The following ATP9B variants were observed in gnomAD, a reference collection of about 807,000 sequenced individuals.
ATP9B encodes ATPase phospholipid transporting 9B.
A neutral mutation model predicts 146.1 loss-of-function variants in ATP9B; 110 were observed. That is an observed-to-expected ratio of 0.75 (90% CI 0.65 to 0.88). The LOEUF is 0.88. ATP9B is among the 40% of genes least tolerant of loss of function. The pLI is 0.00. For synonymous variants in ATP9B, 604 were observed against 569.7 expected, an observed-to-expected ratio of 1.06 and a Z score of -0.86; for missense variants, 1,499 against 1,496.4, an observed-to-expected ratio of 1.00 and a Z score of -0.03.
chr18:79,306,795 A>C (rs1273084929), intron 14 of ATP9B, among the ~76,000 whole-genome samples, 191 bp from the exon 15 acceptor site: 4 of 152,236 alleles, frequency 2.6e-5, no homozygotes, highest in African/African-American at 9.6e-5. Context: ...GGATATATCG[A>C]AGTGCTTCAT....
rs114816545 is a variant in ATP9B, at chr18:79,255,762, A to C, written c.1268+2221A>C. On this transcript the variant is annotated intron_variant, in intron 12 of 29. Coordinates refer to ENST00000426216, the MANE Select transcript of ATP9B (RefSeq NM_198531.5). ...CAGTAGCTCCACGTAAGGCACATAG[A>C]GGGGCACATATGCATGTTTGTGCCA... Among the ~76,000 whole-genome samples the C allele has an allele frequency of 2.8e-3, 425 of 152,296 alleles. 2 individuals carry two copies. The highest frequency in any genetic ancestry group is 9.4e-3 in the African/African-American group (389 of 41,560).
At chr18:79,116,925 A>T (rs1428485868) in intron 4 of ATP9B, among the ~76,000 whole-genome samples, 21 of 108,666 alleles carry the variant, frequency 1.9e-4, no homozygotes, top group South Asian at 3.1e-4. Flanking sequence ...AGTATAATAA[A>T]AAAAAAAAAA....
chr18:79,290,954 G>A (rs1221290847), intron 13 of ATP9B, among the ~76,000 whole-genome samples: 1 of 152,162 alleles, frequency 6.6e-6, no homozygotes, highest in Non-Finnish European at 1.5e-5. Context: ...GTGTGGTAGA[G>A]TTTAGGGGTG....
chr18:79,339,611 T>G (rs943487993), intron 19 of ATP9B, among the ~76,000 whole-genome samples: 2 of 151,474 alleles, frequency 1.3e-5, no homozygotes, highest in African/African-American at 2.4e-5. Context: ...AGGTGTGTCA[T>G]GATCGCAATA....
chr18:79,258,974 A>G (rs2096113038), intron 12 of ATP9B, among the ~76,000 whole-genome samples: 1 of 152,364 alleles, frequency 6.6e-6, no homozygotes, highest in African/African-American at 2.4e-5. Flanking sequence ...AGTATTTGCT[A>G]AATATGCTTT....
chr18:79,081,644 A>G (rs866601492), intron 1 of ATP9B, among the ~76,000 whole-genome samples: 1 of 148,334 alleles, frequency 6.7e-6, no homozygotes, highest in Non-Finnish European at 1.5e-5. Context: ...TTTTCTTCGA[A>G]GGGTTTTTCG....
At chr18:79,280,779 C>T (rs1017026113) in intron 13 of ATP9B, among the ~76,000 whole-genome samples, 7 of 151,530 alleles carry the variant, frequency 4.6e-5, no homozygotes, top group African/African-American at 1.7e-4. Flanking sequence ...GTGGATATTT[C>T]TGATCACAAT....
At chr18:79,143,895 A>T in intron 6 of ATP9B, 35 bp downstream of exon 6, 2 of 1,333,470 alleles carry the variant, frequency 1.5e-6, no homozygotes, top group Non-Finnish European at 2.1e-6. Flanking sequence ...AGACCTATGT[A>T]TGCTAGTTAT....
chr18:79,132,423 C>T (rs2094391648), intron 5 of ATP9B, among the ~76,000 whole-genome samples: 1 of 152,112 alleles, frequency 6.6e-6, no homozygotes, highest in South Asian at 2.1e-4. Flanking sequence ...TCTCCGAGTT[C>T]TAGATGAGAA....
intron 7 of ATP9B, among the ~76,000 whole-genome samples, chr18:79,163,294 A>G (rs889002919): frequency 4.6e-5 from 7 of 152,242 alleles, no homozygotes; most frequent in Non-Finnish European, 8.8e-5. Context: ...ATGATTTAAC[A>G]TGAGGCATGG....
rs369118796 is a variant in ATP9B at position 79,302,392 on chromosome 18, A to G, written c.1412-1212A>G. On this transcript the variant is annotated intron_variant, in intron 13 of 29. Transcript: ENST00000426216. ...TGGCACCACGTTGTGAAATAAGTGC[A>G]CACACCCCCGGGGACAAGGTGAGAG... Among the ~76,000 whole-genome samples the G allele has an allele frequency of 2.0e-5, 3 of 149,696 alleles. No homozygotes were observed. In the East Asian group the frequency reaches 5.9e-4, roughly 29 times the overall value.
At position 79,329,550 on chromosome 18, in the gene ATP9B, T is replaced by G. The variant is rs143665002; in HGVS notation, c.1935+248T>G. On this transcript the variant is annotated intron_variant, in intron 16 of 29. Transcript: ENST00000426216. The stretch of plus-strand genomic sequence containing the variant: ...CCAGAATCAATAATGTGGGATTTAT[T>G]AATTTTTGAAATCAACAACTAAAGC... Among the ~76,000 whole-genome samples, 10 of 152,296 alleles carry G rather than the reference T, an allele frequency of 6.6e-5. No homozygotes were observed. The East Asian group carries it at 1.9e-3, about 29-fold the overall frequency.
chr18:79,113,260 A>G lies in ATP9B; in HGVS notation c.464A>G (p.Lys155Arg), dbSNP rs773244729. Residue 155 changes from lysine (K) to arginine (R), a missense_variant, in exon 4 of 30, where the codon AAG (lysine) becomes AGG (arginine). Transcript: ENST00000426216. Reference protein sequence around the residue: ...FIPGVLYEQFKFFLNLYFLVI... With the variant: ...FIPGVLYEQFRFFLNLYFLVI... Reference sequence around the variant, plus strand: ...TTTTAGGTTTTGTATGAACAATTCAAGTTTTTCTTGAATCTCTATTTTCTA... The same window carrying G: ...TTTTAGGTTTTGTATGAACAATTCAGGTTTTTCTTGAATCTCTATTTTCTA... 4 of 1,585,536 alleles carry G rather than the reference A, an allele frequency of 2.5e-6. No homozygotes were observed. Among genetic ancestry groups the G allele is most frequent in the Non-Finnish European group, 3.4e-6 (4 of 1,161,456 alleles).
chr18:79,320,432 G>T (rs879934525), intron 15 of ATP9B, among the ~76,000 whole-genome samples: 5 of 152,236 alleles, frequency 3.3e-5, no homozygotes, highest in South Asian at 2.1e-4. Context: ...GATGGGGAGG[G>T]CCTGGCTGCG....
intron 2 of ATP9B, among the ~76,000 whole-genome samples, chr18:79,102,506 C>T (rs2075355802): frequency 6.6e-6 from 1 of 152,166 alleles, no homozygotes; most frequent in African/African-American, 2.4e-5. Context: ...ATCAGTGTGT[C>T]AGTTCCTGCC....
rs865854773 is a variant in ATP9B at position 79,327,533 on chromosome 18, G to T, written c.1774-1608G>T. 2.2e-3 allele frequency among the ~76,000 whole-genome samples: 291 copies of T among 129,456 alleles called. 2 individuals are homozygous for T. The highest frequency in any genetic ancestry group is 9.0e-3 in the African/African-American group (263 of 29,162). 84.9% of individuals were successfully genotyped at this position (129,456 alleles called of 152,430 possible). A position where few individuals can be genotyped will look rare whatever the true frequency, so the allele number is the denominator to read the frequency against. On this transcript the variant is annotated intron_variant, in intron 15 of 29. Transcript: ENST00000426216. ...CTCCATGGTTAGCGTGCTCTCCGTG[G>T]TTAGCGTGCTCTCCGTGGTTAGCGT...
intron 8 of ATP9B, among the ~76,000 whole-genome samples, chr18:79,186,670 G>C (rs2095310839): frequency 6.6e-6 from 1 of 152,114 alleles, no homozygotes; most frequent in Non-Finnish European, 1.5e-5. Context: ...AGTTACTAGA[G>C]AATATTTCTT....
At chr18:79,099,849 A>G (rs1471050946) in intron 2 of ATP9B, among the ~76,000 whole-genome samples, 1 of 152,044 alleles carries the variant, frequency 6.6e-6, no homozygotes, top group Non-Finnish European at 1.5e-5. Context: ...AAAATGGGCC[A>G]GGTGCAGTGG....
intron 1 of ATP9B, among the ~76,000 whole-genome samples, chr18:79,095,935 A>G (rs1043692053): frequency 3.3e-5 from 5 of 152,192 alleles, no homozygotes; most frequent in African/African-American, 1.2e-4. Context: ...GAAGAGAATA[A>G]CAGAATAAAT....
Sources: gnomAD v4.1 joint callset for allele counts (sites outside exome capture counted in the v4.1 genomes callset) on GRCh38, gnomAD v4.1.1 for gene constraint, MANE v1.5 for transcripts, NCBI Gene and HGNC (gene_info 2026-07-23, HGNC 2026-07-21) for gene names.